Variants in MRPS28 observed in about 807,000 individuals in gnomAD.
The protein encoded by MRPS28 is mitochondrial ribosomal protein S28.
A neutral mutation model predicts 10.8 loss-of-function variants in MRPS28; 7 were observed. That is an observed-to-expected ratio of 0.65 (90% CI 0.37 to 1.22). The LOEUF is 1.22. Among genes scored for constraint, MRPS28 ranks in the 50% most tolerant of loss-of-function variants. The pLI is 0.02. For missense variants in MRPS28, 265 were observed against 232.9 expected, an observed-to-expected ratio of 1.14 and a Z score of -0.90; for synonymous variants, 121 against 93.3, an observed-to-expected ratio of 1.30 and a Z score of -1.71.
intron 2 of MRPS28, among the ~76,000 whole-genome samples, chr8:79,968,332 A>G (rs75436192): frequency 0.07 from 10,652 of 152,164 alleles, 663 homozygotes; most frequent in African/African-American, 0.17. Flanking sequence ...GGTCCCAAAC[A>G]TAAGTGCACA....
chr8:79,988,582 A>C (rs1462276827), intron 2 of MRPS28, among the ~76,000 whole-genome samples: 1 of 152,118 alleles, frequency 6.6e-6, no homozygotes, highest in Non-Finnish European at 1.5e-5. Context: ...AATAATTCCT[A>C]ATATATTCAA....
intron 2 of MRPS28, among the ~76,000 whole-genome samples, chr8:79,942,814 C>G (rs1806805123): frequency 6.6e-6 from 1 of 151,858 alleles, no homozygotes; most frequent in Admixed American, 6.6e-5. Flanking sequence ...ATTACAGCTA[C>G]AGCTAAGATA....
intron 2 of MRPS28, among the ~76,000 whole-genome samples, chr8:79,937,145 G>A (rs1346395647): frequency 6.6e-6 from 1 of 152,162 alleles, no homozygotes; most frequent in Non-Finnish European, 1.5e-5. Context: ...TTACAGGCAT[G>A]AGCCACCTCA....
At chr8:80,013,729 T>A (rs890305937) in intron 1 of MRPS28, among the ~76,000 whole-genome samples, 9 of 151,602 alleles carry the variant, frequency 5.9e-5, no homozygotes, top group Admixed American at 5.9e-4. Context: ...TTCATACTGG[T>A]TAGCAAGAAA....
At chr8:79,946,539 T>A (rs1806925058) in intron 2 of MRPS28, among the ~76,000 whole-genome samples, 1 of 152,084 alleles carries the variant, frequency 6.6e-6, no homozygotes, top group South Asian at 2.1e-4. Flanking sequence ...CCACTACATG[T>A]TAAAACACAT....
intron 2 of MRPS28, among the ~76,000 whole-genome samples, chr8:79,919,947 C>CCGCCCCCA (rs1554567135): frequency 8.2e-6 from 1 of 121,602 alleles, no homozygotes; most frequent in African/African-American, 3.1e-5. Flanking sequence ...TCCCTCCCCC[C>CCGCCCCCA]ACCCCATAAC....
At chr8:79,987,619 C>T (rs1180300938) in intron 2 of MRPS28, among the ~76,000 whole-genome samples, 18 of 152,026 alleles carry the variant, frequency 1.2e-4, no homozygotes, top group Non-Finnish European at 2.2e-4. Context: ...GGGCAAAGGA[C>T]ATGAACAGAC....
At chr8:79,998,840 T>C (rs1460688258) in intron 2 of MRPS28, among the ~76,000 whole-genome samples, 4 of 152,240 alleles carry the variant, frequency 2.6e-5, no homozygotes, top group African/African-American at 7.2e-5. Context: ...AGAATATTCA[T>C]TAATCAAAAT....
chr8:79,920,688 G>A (rs1810067437), intron 2 of MRPS28, among the ~76,000 whole-genome samples: 2 of 152,002 alleles, frequency 1.3e-5, no homozygotes, highest in Admixed American at 1.3e-4. Context: ...CTGGATATTA[G>A]CCCTTTGTCA....
intron 2 of MRPS28, among the ~76,000 whole-genome samples, chr8:79,939,224 A>T (rs1806691265): frequency 6.6e-6 from 1 of 152,146 alleles, no homozygotes; most frequent in South Asian, 2.1e-4. Context: ...CAGGACCAAC[A>T]CTCCTTTGAC....
intron 2 of MRPS28, among the ~76,000 whole-genome samples, chr8:79,956,124 T>C (rs1337457988): frequency 2.0e-5 from 3 of 152,146 alleles, no homozygotes; most frequent in African/African-American, 4.8e-5. Flanking sequence ...GAAACAACTT[T>C]TTGTTGGCTT....
chr8:79,983,977 T>A (rs1808065962), intron 2 of MRPS28, among the ~76,000 whole-genome samples: 1 of 152,072 alleles, frequency 6.6e-6, no homozygotes. Flanking sequence ...AATTGTCAGA[T>A]TCACCAAAGT....
intron 2 of MRPS28, among the ~76,000 whole-genome samples, chr8:79,932,265 C>A (rs906463273): frequency 6.6e-6 from 1 of 151,984 alleles, no homozygotes; most frequent in Non-Finnish European, 1.5e-5. Context: ...AAGTGTTGTA[C>A]AGAAAATAAA....
At chr8:79,999,044 T>C (rs997686882) in intron 2 of MRPS28, among the ~76,000 whole-genome samples, 2 of 152,054 alleles carry the variant, frequency 1.3e-5, no homozygotes, top group Non-Finnish European at 2.9e-5. Context: ...GAGAAGAAAA[T>C]AGTTCTCTAA....
At chr8:79,980,161 C>T (rs533742207) in intron 2 of MRPS28, among the ~76,000 whole-genome samples, 5 of 152,240 alleles carry the variant, frequency 3.3e-5, no homozygotes, top group Non-Finnish European at 5.9e-5. Context: ...AACTTTAATT[C>T]TCACACCAAC....
chr8:79,946,385 C>A (rs1429115880), intron 2 of MRPS28, among the ~76,000 whole-genome samples: 1 of 151,978 alleles, frequency 6.6e-6, no homozygotes, highest in African/African-American at 2.4e-5. Flanking sequence ...CTTGTATGTA[C>A]TAATGAAAGT....
At chr8:79,929,471 G>C (rs1288626486) in intron 2 of MRPS28, among the ~76,000 whole-genome samples, 1 of 152,086 alleles carries the variant, frequency 6.6e-6, no homozygotes, top group Non-Finnish European at 1.5e-5. Context: ...GTATTATGTT[G>C]AATGAGGAAT....
intron 2 of MRPS28, among the ~76,000 whole-genome samples, chr8:79,920,059 C>A (rs368265144): frequency 2.9e-4 from 44 of 150,206 alleles, no homozygotes; most frequent in African/African-American, 9.5e-4. Context: ...TTTGTCCTTA[C>A]GATAGTTTGC....
At chr8:79,989,087 G>C (rs533243496) in intron 2 of MRPS28, among the ~76,000 whole-genome samples, 1 of 152,270 alleles carries the variant, frequency 6.6e-6, no homozygotes, top group East Asian at 1.9e-4. Context: ...GAGTTTAAGA[G>C]GGTGCTTTCA....
Sources: allele counts gnomAD v4.1 joint callset (sites outside exome capture counted in the v4.1 genomes callset), GRCh38; gene constraint gnomAD v4.1.1; transcripts MANE v1.5; gene names NCBI Gene and HGNC (gene_info 2026-07-23, HGNC 2026-07-21).